GPR39: variants seen among roughly 807,000 people sequenced by gnomAD.
GPR39 encodes zinc sensing receptor.
A neutral mutation model predicts 18.4 loss-of-function variants in GPR39; 23 were observed. The observed-to-expected ratio is 1.25, with a 90% confidence interval of 0.90 to 1.77. GPR39 has a LOEUF of 1.77. Ranked by LOEUF, GPR39 falls within the 40% of genes most tolerant of loss-of-function variation. The pLI is 0.00. For missense variants in GPR39, 647 were observed against 602.4 expected (o/e 1.07, Z -0.78); for synonymous variants, 280 against 257.9 (o/e 1.09, Z -0.82).
At chr2:132,458,820 C>G (rs964407307) in intron 1 of GPR39, among the ~76,000 whole-genome samples, 2 of 152,126 alleles carry the variant, frequency 1.3e-5, no homozygotes, top group African/African-American at 4.8e-5. Flanking sequence ...TCACCTCTGT[C>G]CAGTCAATAA....
intron 1 of GPR39, among the ~76,000 whole-genome samples, chr2:132,592,157 A>T (rs1573686457): frequency 6.6e-6 from 1 of 152,192 alleles, no homozygotes; most frequent in South Asian, 2.1e-4. Context: ...TTGGTGGAGG[A>T]AGGATAAGAA....
intron 1 of GPR39, among the ~76,000 whole-genome samples, chr2:132,534,542 A>G (rs2104779049): frequency 6.7e-6 from 1 of 150,254 alleles, no homozygotes; most frequent in South Asian, 2.2e-4. Context: ...ATGCACACAC[A>G]TGTTTATTGT....
At chr2:132,442,677 G>T (rs757446260) in intron 1 of GPR39, among the ~76,000 whole-genome samples, 11 of 152,204 alleles carry the variant, frequency 7.2e-5, no homozygotes, top group Non-Finnish European at 1.5e-4. Context: ...CTTGTCGGAG[G>T]CTTCCTCTCA....
intron 1 of GPR39, chr2:132,604,669 A>G (rs993131500): frequency 3.3e-5 from 5 of 152,248 alleles, no homozygotes; most frequent in African/African-American, 1.2e-4. Context: ...TCTTATGAAC[A>G]TATAAAAAGG....
chr2:132,450,811 C>T (rs1290961331), intron 1 of GPR39, among the ~76,000 whole-genome samples: 1 of 152,238 alleles, frequency 6.6e-6, no homozygotes, highest in East Asian at 1.9e-4. Context: ...CTCCAATTCT[C>T]AGTCTTCAAA....
intron 1 of GPR39, among the ~76,000 whole-genome samples, chr2:132,491,199 T>C (rs1169385676): frequency 6.6e-6 from 1 of 152,184 alleles, no homozygotes; most frequent in Non-Finnish European, 1.5e-5. Flanking sequence ...ATAGGAATAT[T>C]AAAGTATCTT....
At chr2:132,418,174 A>G (rs529313555) in intron 1 of GPR39, among the ~76,000 whole-genome samples, 34 of 152,298 alleles carry the variant, frequency 2.2e-4, no homozygotes, top group African/African-American at 7.7e-4. Flanking sequence ...CACTGCTGTG[A>G]CCTTTGGGAA....
intron 1 of GPR39, among the ~76,000 whole-genome samples, chr2:132,426,699 A>G (rs1680124124): frequency 6.6e-6 from 1 of 152,238 alleles, no homozygotes; most frequent in Non-Finnish European, 1.5e-5. Context: ...TCTTGTTTGT[A>G]CTTACTGAGT....
At chr2:132,635,020 T>C (rs1681723972) in intron 1 of GPR39, among the ~76,000 whole-genome samples, 1 of 152,228 alleles carries the variant, frequency 6.6e-6, no homozygotes, top group Non-Finnish European at 1.5e-5. Context: ...TCAACCCCTG[T>C]CTAGTTCTCC....
chr2:132,440,920 C>T (rs1260259553), intron 1 of GPR39, among the ~76,000 whole-genome samples: 2 of 152,120 alleles, frequency 1.3e-5, no homozygotes, highest in Non-Finnish European at 2.9e-5. Flanking sequence ...AGTCCTGCCC[C>T]ACATTCCCTC....
intron 1 of GPR39, among the ~76,000 whole-genome samples, chr2:132,498,027 T>C (rs1424446059): frequency 2.0e-5 from 3 of 152,222 alleles, no homozygotes; most frequent in Non-Finnish European, 2.9e-5. Flanking sequence ...ATGACGACAA[T>C]ATGGGGCTTG....
At chr2:132,616,024 G>T (rs1352969083) in intron 1 of GPR39, among the ~76,000 whole-genome samples, 1 of 150,782 alleles carries the variant, frequency 6.6e-6, no homozygotes, top group African/African-American at 2.4e-5. Context: ...TCACAGGAAT[G>T]CAAACAGCCT....
intron 1 of GPR39, among the ~76,000 whole-genome samples, chr2:132,474,571 T>G (rs1558809020): frequency 2.0e-5 from 3 of 152,254 alleles, no homozygotes; most frequent in East Asian, 3.9e-4. Flanking sequence ...CGTGGAGTGT[T>G]TGTGTGTGTG....
chr2:132,598,743 T>C (rs1680991078), intron 1 of GPR39, among the ~76,000 whole-genome samples: 1 of 151,944 alleles, frequency 6.6e-6, no homozygotes, highest in Non-Finnish European at 1.5e-5. Flanking sequence ...CAGACTAAAA[T>C]CCACACCAGC....
intron 1 of GPR39, among the ~76,000 whole-genome samples, chr2:132,463,827 C>G (rs57548535): frequency 0.2 from 29,903 of 152,168 alleles, 3,961 homozygotes; most frequent in East Asian, 0.66. Context: ...CTCACTCGTT[C>G]AACCACGGGA....
At chr2:132,428,651 C>A (rs1680171888) in intron 1 of GPR39, among the ~76,000 whole-genome samples, 1 of 152,270 alleles carries the variant, frequency 6.6e-6, no homozygotes, top group South Asian at 2.1e-4. Context: ...GTAAGCAGAT[C>A]CCTGGAATAC....
At chr2:132,586,577 C>G (rs988619516) in intron 1 of GPR39, among the ~76,000 whole-genome samples, 14 of 152,224 alleles carry the variant, frequency 9.2e-5, no homozygotes, top group Non-Finnish European at 2.1e-4. Context: ...TCAACTCCCA[C>G]TTTCCTGGAT....
At chr2:132,611,958 C>T (rs1681246019) in intron 1 of GPR39, among the ~76,000 whole-genome samples, 1 of 152,070 alleles carries the variant, frequency 6.6e-6, no homozygotes, top group Admixed American at 6.6e-5. Context: ...TCATCTACAC[C>T]CATACTTAAT....
At chr2:132,520,134 C>G (rs901574497) in intron 1 of GPR39, among the ~76,000 whole-genome samples, 1 of 151,894 alleles carries the variant, frequency 6.6e-6, no homozygotes, top group South Asian at 2.1e-4. Context: ...GTAATCATTC[C>G]TTTCCTCCCC....
Sources: allele counts gnomAD v4.1 joint callset (sites outside exome capture counted in the v4.1 genomes callset), GRCh38; gene constraint gnomAD v4.1.1; transcripts MANE v1.5; gene names NCBI Gene and HGNC (gene_info 2026-07-23, HGNC 2026-07-21).